The following CASKIN1 variants were observed in gnomAD, a reference collection of about 807,000 sequenced individuals.
The protein encoded by CASKIN1 is CASK interacting protein 1.
A neutral mutation model predicts 117.5 loss-of-function variants in CASKIN1; 42 were observed. The ratio of observed to expected loss-of-function variants is 0.36; its 90% CI spans 0.28 to 0.46. The LOEUF (loss-of-function observed/expected upper bound fraction) is 0.46, where lower values mean the gene tolerates loss of function less well. CASKIN1 is among the 20% of genes least tolerant of loss of function. The pLI, the probability that CASKIN1 is intolerant of heterozygous loss-of-function variation, is 1.00. For missense variants in CASKIN1, 2,083 were observed against 2,077.3 expected (o/e 1.00, Z -0.05); for synonymous variants, 1,148 against 961.7 (o/e 1.19, Z -3.59).
At chr16:2,184,897 G>A in intron 13 of CASKIN1, 29 bp from the exon 14 acceptor site, 6 of 1,578,086 alleles carry the variant, frequency 3.8e-6, no homozygotes, top group Non-Finnish European at 5.2e-6. Context: ...GGGGGACAAG[G>A]GCTGTCGGGC....
At position 2,179,715 on chromosome 16, in the gene CASKIN1, G is replaced by T; in HGVS notation, c.3653C>A (p.Ala1218Asp). Residue 1218 changes from alanine (A) to aspartate (D), a missense_variant, in exon 18 of 20, where the codon GCC (alanine) becomes GAC (aspartate). This residue lies in a region of CASKIN1 where 1,818 missense variants were observed against 1,688.9 expected (regional missense o/e 1.08). Coordinates refer to ENST00000343516, the MANE Select transcript of CASKIN1 (RefSeq NM_020764.4). This position sits in a 1 kb window ranked among gnomAD's most constrained non-coding sequence, Gnocchi z 5.8. The stretch of plus-strand genomic sequence containing the variant: ...GACAGGCGGCTTGGCCGGCTTCCGG[G>T]CTTCGCCCTCGGGCGGGGGCAATGG... The part of the protein sequence containing the change: ...LPPLPPPEGE[A>D]RKPAKPPVSP... 6.5e-7 allele frequency: 1 copy of T among 1,531,710 alleles called. No homozygotes were observed. The allele number at this position is 1,531,710 out of a possible 1,614,324, so 94.9% of individuals were successfully genotyped here. A position where few individuals can be genotyped will look rare whatever the true frequency, so the allele number is the denominator to read the frequency against.
chr16:2,181,218 G>A lies in CASKIN1; in HGVS notation c.2150C>T (p.Pro717Leu), dbSNP rs765697378. Residue 717 changes from proline (P) to leucine (L), a missense_variant, in exon 18 of 20, where the codon CCC (proline) becomes CTC (leucine). By Grantham distance (98) the Pro-to-Leu change is moderately conservative (BLOSUM62 -3). Coordinates refer to ENST00000343516, the MANE Select transcript of CASKIN1 (RefSeq NM_020764.4). ...QELLGDGPPGPSSPMSRSQEY... is the reference protein window; with the variant it reads ...QELLGDGPPGLSSPMSRSQEY... ...CTGGCTTCGAGACATGGGGCTGCTG[G>A]GCCCAGGGGGCCCATCTCCCAGCAG... The A allele has an allele frequency of 1.3e-6, 2 of 1,587,914 alleles. No homozygotes were observed. The highest frequency in any genetic ancestry group is 2.2e-5 in the South Asian group (2 of 89,748).
chr16:2,184,192 G>GT, intron 14 of CASKIN1, among the ~76,000 whole-genome samples: 1 of 151,778 alleles, frequency 6.6e-6, no homozygotes, highest in East Asian at 1.9e-4. Flanking sequence ...GAGGGGGGCG[G>GT]GGGGGCTGCT....
At chr16:2,185,450 G>T (rs752456094) in intron 10 of CASKIN1, 42 bp from the exon 11 acceptor site, 1 of 1,513,200 alleles carries the variant, frequency 6.6e-7, no homozygotes, top group East Asian at 2.3e-5. Context: ...GGCCAGCGAT[G>T]GCGGGTACTG....
intron 1 of CASKIN1, among the ~76,000 whole-genome samples, chr16:2,195,181 G>GC (rs1407872043): frequency 1.3e-5 from 2 of 152,222 alleles, no homozygotes; most frequent in Non-Finnish European, 2.9e-5. Flanking sequence ...AGGCACCGGT[G>GC]CCCCCTCTCT....
Position 2,180,062 on chromosome 16 carries a change from ACCC to A in CASKIN1, c.3303_3305del (p.Gly1102del). ...CGACACCCGCCTCGCCCTTGGAGGG[ACCC>A]CGAGGCCGCTGCCGGCCAGTGCCAT... On this transcript the variant is annotated inframe_deletion, in exon 18 of 20. Coordinates refer to ENST00000343516, the MANE Select transcript of CASKIN1 (RefSeq NM_020764.4). 1.3e-6 allele frequency: 2 copies of A among 1,582,320 alleles called. No homozygotes were observed. Among genetic ancestry groups the A allele is most frequent in the Non-Finnish European group, 1.7e-6 (2 of 1,165,072 alleles).
chr16:2,179,794 G>A lies in CASKIN1; in HGVS notation c.3574C>T (p.Pro1192Ser). Residue 1192 changes from proline to serine, a missense_variant, in exon 18 of 20, where the codon CCT (proline) becomes TCT (serine). By Grantham distance (74) the Pro-to-Ser change is moderately conservative. This residue lies in a region of CASKIN1 where 1,818 missense variants were observed against 1,688.9 expected (regional missense o/e 1.08). Coordinates refer to ENST00000343516, the MANE Select transcript of CASKIN1 (RefSeq NM_020764.4). This position sits in a 1 kb window ranked among gnomAD's most constrained non-coding sequence, Gnocchi z 5.8. ...GGTTCGGCAGGCGGGGGCGGTGGAG[G>A]CAGCTCCGGAGGCCCAGCCTGCTCC... ...ASEQAGPPEL[P>S]PPPPPAEPPP... The A allele has an allele frequency of 6.4e-7, 1 of 1,573,682 alleles. No homozygotes were observed. The highest frequency in any genetic ancestry group is 8.6e-7 in the Non-Finnish European group (1 of 1,163,480).
intron 1 of CASKIN1, among the ~76,000 whole-genome samples, chr16:2,195,430 G>A (rs557044157): frequency 2.6e-5 from 4 of 152,338 alleles, no homozygotes; most frequent in South Asian, 4.1e-4. Flanking sequence ...GTCCGTGCCC[G>A]CACAGGTGCC....
At chr16:2,178,680 G>A in intron 19 of CASKIN1, 34 bp from the exon 20 acceptor site, 1 of 1,552,952 alleles carries the variant, frequency 6.4e-7, no homozygotes, top group Non-Finnish European at 8.7e-7. Flanking sequence ...GTGAGTGGGC[G>A]GGGCGGGTCT....
chr16:2,181,219 GC>G lies in CASKIN1; in HGVS notation c.2148del (p.Ser718AlafsTer87). On this transcript the variant is annotated frameshift_variant, in exon 18 of 20. Transcript: ENST00000343516. LOFTEE classifies it high-confidence loss of function. ...SQELLGDGPP[G>X]PSSPMSRSQE... Reference sequence around the variant, plus strand: ...TGGCTTCGAGACATGGGGCTGCTGGGCCCAGGGGGCCCATCTCCCAGCAGCT... The same window carrying G: ...TGGCTTCGAGACATGGGGCTGCTGGGCCAGGGGGCCCATCTCCCAGCAGCT... The G allele has an allele frequency of 6.3e-7, 1 of 1,589,874 alleles. No individual in the cohort carries two copies. Among genetic ancestry groups the G allele is most frequent in the Non-Finnish European group, 8.5e-7 (1 of 1,175,654 alleles).
intron 19 of CASKIN1, 59 bp downstream of exon 19, chr16:2,178,843 G>GC (rs1328337345): frequency 6.6e-6 from 9 of 1,355,548 alleles, no homozygotes; most frequent in African/African-American, 1.6e-5. Flanking sequence ...TCTCTGCCGA[G>GC]CCCCGCCCAT....
rs889612098 is a variant in CASKIN1 at position 2,185,134 on chromosome 16, G to A, written c.1216C>T (p.His406Tyr). ...ACCTTGACGCCTTCAGAGCCCGCGT[G>A]TAGGGCGTGACCCCCGCTGCCCCGG... is the stretch of plus-strand genomic sequence containing the variant. ...GGRGSGGHALHAGSEGVKLLA... is the reference protein window; with the variant it reads ...GGRGSGGHALYAGSEGVKLLA... The change falls in exon 12 of 20, where the codon CAC becomes TAC. Residue 406 changes from histidine to tyrosine, a missense_variant. His to Tyr is a moderately conservative substitution (Grantham distance 83). Transcript: ENST00000343516. 1.2e-6 allele frequency: 2 copies of A among 1,608,968 alleles called. No homozygotes were observed. The highest frequency in any genetic ancestry group is 1.3e-5 in the African/African-American group (1 of 74,930).
chr16:2,194,819 C>T (rs554973880), intron 1 of CASKIN1, among the ~76,000 whole-genome samples: 1 of 152,150 alleles, frequency 6.6e-6, no homozygotes. Context: ...GGAGGAACCT[C>T]CCCAGAGCTG....
intron 6 of CASKIN1, among the ~76,000 whole-genome samples, chr16:2,188,703 G>A (rs192394444): frequency 1.3e-5 from 2 of 152,308 alleles, no homozygotes; most frequent in Admixed American, 6.5e-5. Context: ...CTTCCCAGCT[G>A]TTATCTTGTC....
intron 1 of CASKIN1, among the ~76,000 whole-genome samples, chr16:2,190,971 T>A (rs915635366): frequency 6.6e-6 from 1 of 152,108 alleles, no homozygotes; most frequent in Non-Finnish European, 1.5e-5. Context: ...CCCTGGCGAC[T>A]CGGAGCACCT....
chr16:2,178,950 A>G lies in CASKIN1; in HGVS notation c.4151T>C (p.Leu1384Pro). The G allele has an allele frequency of 6.7e-7, 1 of 1,487,548 alleles. No individual in the cohort carries two copies. The allele number at this position is 1,487,548 out of a possible 1,614,324, so 92.1% of individuals were successfully genotyped here. The change falls in exon 19 of 20, where the codon CTG (leucine) becomes CCG (proline). Residue 1384 changes from leucine to proline, a missense_variant. By Grantham distance (98) the Leu-to-Pro change is moderately conservative (BLOSUM62 -3). This residue lies in a region of CASKIN1 where 1,818 missense variants were observed against 1,688.9 expected (regional missense o/e 1.08). Coordinates refer to ENST00000343516, the MANE Select transcript of CASKIN1 (RefSeq NM_020764.4). ...EETSACLAAA[L>P]QAVEEKIRQE... ...CCGGATCTTCTCCTCCACCGCCTGCAGCGCCGCGGCCAGGCACGCGCTTGT... is the reference window on the plus strand; with the variant it reads ...CCGGATCTTCTCCTCCACCGCCTGCGGCGCCGCGGCCAGGCACGCGCTTGT...
At position 2,179,814 on chromosome 16, in the gene CASKIN1, T is replaced by C. The variant is rs1027252590; in HGVS notation, c.3554A>G (p.Gln1185Arg). The change falls in exon 18 of 20, where the codon CAG (glutamine) becomes CGG (arginine). Residue 1185 changes from glutamine (Q) to arginine (R), a missense_variant. This residue lies in a region of CASKIN1 where 1,818 missense variants were observed against 1,688.9 expected (regional missense o/e 1.08). Coordinates refer to ENST00000343516, the MANE Select transcript of CASKIN1 (RefSeq NM_020764.4). This position sits in a 1 kb window ranked among gnomAD's most constrained non-coding sequence, Gnocchi z 5.8. ...GTVRRRPASE[Q>R]AGPPELPPPP... ...TGGAGGCAGCTCCGGAGGCCCAGCC[T>C]GCTCCGAGGCCGGTCGGCGGCGCAC... is the stretch of plus-strand genomic sequence containing the variant. 1.3e-6 allele frequency: 2 copies of C among 1,586,808 alleles called. No homozygotes were observed. The highest frequency in any genetic ancestry group is 1.7e-6 in the Non-Finnish European group (2 of 1,169,252).
chr16:2,181,696 G>C (rs1373889253), intron 17 of CASKIN1, 95 bp downstream of exon 17: 1 of 1,480,192 alleles, frequency 6.8e-7, no homozygotes, highest in Non-Finnish European at 9.1e-7. Context: ...GGCCCAGCTT[G>C]GGGCTGGGGC....
At chr16:2,194,940 G>C (rs1320671572) in intron 1 of CASKIN1, among the ~76,000 whole-genome samples, 7 of 152,238 alleles carry the variant, frequency 4.6e-5, no homozygotes, top group Admixed American at 3.9e-4. Flanking sequence ...AGGCTCACTG[G>C]TCTTAGGACC....
Sources: gnomAD v4.1 joint callset for allele counts (sites outside exome capture counted in the v4.1 genomes callset) on GRCh38, gnomAD v4.1.1 for gene constraint, gnomAD v4.1.1 regional missense constraint, Gnocchi (gnomAD v3.1) non-coding constraint, MANE v1.5 for transcripts, NCBI Gene and HGNC (gene_info 2026-07-23, HGNC 2026-07-21) for gene names.